COX19: variants seen among roughly 807,000 people sequenced by gnomAD.
COX19 encodes cytochrome c oxidase assembly protein COX19.
Under a neutral mutation model 6.8 loss-of-function variants are expected in COX19, and 8 were observed. The observed-to-expected ratio is 1.18, with a 90% CI of 0.69 to 2.12. The LOEUF (loss-of-function observed/expected upper bound fraction) is 2.12. Ranked by LOEUF, COX19 falls within the 30% of genes most tolerant of loss-of-function variation. The pLI is 0.00. For missense variants in COX19, 131 were observed against 104.6 expected, an observed-to-expected ratio of 1.25 and a Z score of -1.10; for synonymous variants, 51 against 38.0, an observed-to-expected ratio of 1.34 and a Z score of -1.26.
chr7:970,481 T>C (rs1437440533), intron 2 of COX19, among the ~76,000 whole-genome samples: 5 of 149,968 alleles, frequency 3.3e-5, no homozygotes, highest in Non-Finnish European at 5.9e-5. Flanking sequence ...CCTACTCTGT[T>C]GCCCAGGCTG....
intron 2 of COX19, among the ~76,000 whole-genome samples, chr7:969,677 T>TA (rs2128117018): frequency 6.6e-6 from 1 of 151,958 alleles, no homozygotes; most frequent in Admixed American, 6.5e-5. Context: ...TCCCAGGGCC[T>TA]AAGGCCTGGG....
At chr7:970,485 C>T (rs1025362424) in intron 2 of COX19, among the ~76,000 whole-genome samples, 1 of 149,746 alleles carries the variant, frequency 6.7e-6, no homozygotes. Flanking sequence ...CTCTGTTGCC[C>T]AGGCTGGAGT....
rs141657465 is a variant in COX19 at position 969,056 on chromosome 7, A to G, written c.*322T>C. Reference sequence around the variant, plus strand: ...TATACATTTACCTCTTTGAACTCAGAAAGTATCAGAGGACTGCAACATAAA... The same window carrying G: ...TATACATTTACCTCTTTGAACTCAGGAAGTATCAGAGGACTGCAACATAAA... On this transcript the variant is annotated 3_prime_UTR_variant, in exon 3 of 3. Transcript: ENST00000344111. 2.0e-4 allele frequency: 52 copies of G among 253,804 alleles called. No homozygotes were observed. Among genetic ancestry groups the G allele is most frequent in the African/African-American group, 1.1e-3 (50 of 44,892 alleles). 15.7% of individuals were successfully genotyped at this position (253,804 alleles called of 1,614,324 possible).
rs1422190504 is a variant in COX19 at position 968,198 on chromosome 7, C to CGAAAGGGCCACCACTGCAG, written c.*1161_*1179dup. 2.0e-5 allele frequency: 3 copies of CGAAAGGGCCACCACTGCAG among 152,330 alleles called. No homozygotes were observed. Among genetic ancestry groups the CGAAAGGGCCACCACTGCAG allele is most frequent in the African/African-American group, 7.2e-5 (3 of 41,440 alleles). 9.4% of individuals were successfully genotyped at this position (152,330 alleles called of 1,614,324 possible). On this transcript the variant is annotated 3_prime_UTR_variant, in exon 3 of 3. Transcript: ENST00000344111. Reference sequence around the variant, plus strand: ...AGGAGGGGAGGGACATGTTTAACCACGAAAGGGCCACCACTGCAGGACAGA... The same window carrying CGAAAGGGCCACCACTGCAG: ...AGGAGGGGAGGGACATGTTTAACCACGAAAGGGCCACCACTGCAGGAAAGGGCCACCACTGCAGGACAGA...
chr7:975,288 T>A (rs1436329254), intron 1 of COX19, 140 bp downstream of exon 1: 1 of 621,656 alleles, frequency 1.6e-6, no homozygotes, highest in African/African-American at 2.0e-5. Flanking sequence ...CAGGGCTGGG[T>A]GGGGCGGAGG....
chr7:968,340 C>T lies in COX19; in HGVS notation c.*1038G>A. The T allele has an allele frequency of 6.6e-6, 1 of 152,278 alleles. No individual in the cohort carries two copies. Among genetic ancestry groups the T allele is most frequent in the East Asian group, 1.9e-4 (1 of 5,202 alleles). 9.4% of individuals were successfully genotyped at this position (152,278 alleles called of 1,614,324 possible). On this transcript the variant is annotated 3_prime_UTR_variant, in exon 3 of 3. Coordinates refer to ENST00000344111, the MANE Select transcript of COX19 (RefSeq NM_001031617.3). The stretch of plus-strand genomic sequence containing the variant: ...GCCTGAGGTCGGCCAGATTGGTGGC[C>T]CCACCTGCCAGGGCTTGGAGACAGC...
rs1847530760 is a variant in COX19 at position 964,975 on chromosome 7, AG to A, written c.*4402del. ...GAAATATCTCGTGAGAAGCTCTGGC[AG>A]GAACAGCAGGGTGTCTGGATTCTTA... On this transcript the variant is annotated 3_prime_UTR_variant, in exon 3 of 3. Transcript: ENST00000344111. 6.6e-6 allele frequency among the ~76,000 whole-genome samples: 1 copy of A among 152,246 alleles called. No individual in the cohort carries two copies. The highest frequency in any genetic ancestry group is 2.1e-4 in the South Asian group (1 of 4,834).
intron 2 of COX19, among the ~76,000 whole-genome samples, chr7:971,465 G>GT (rs1847633907): frequency 6.6e-6 from 1 of 151,994 alleles, no homozygotes; most frequent in Non-Finnish European, 1.5e-5. Flanking sequence ...CTCAACTTCT[G>GT]TATGTTTGAT....
chr7:971,646 C>T (rs961783877), intron 2 of COX19, among the ~76,000 whole-genome samples: 2 of 152,062 alleles, frequency 1.3e-5, no homozygotes, highest in Admixed American at 1.3e-4. Context: ...CCGAGGTGGG[C>T]GGACCATGAG....
Position 965,480 on chromosome 7 carries a change from G to A in COX19, c.*3898C>T, listed in dbSNP as rs1026306197. Among the ~76,000 whole-genome samples the A allele has an allele frequency of 1.3e-5, 2 of 152,214 alleles. No homozygotes were observed. The highest frequency in any genetic ancestry group is 6.5e-5 in the Admixed American group (1 of 15,280). ...TGCCCTCAGGGACGCCCCCAGGTCG[G>A]TGCGGCCTGTGCGGCTCGCTCCCGG... On this transcript the variant is annotated 3_prime_UTR_variant, in exon 3 of 3. Coordinates refer to ENST00000344111, the MANE Select transcript of COX19 (RefSeq NM_001031617.3).
At chr7:974,338 CCT>C (rs1847674760) in intron 1 of COX19, among the ~76,000 whole-genome samples, 1 of 151,860 alleles carries the variant, frequency 6.6e-6, no homozygotes, top group African/African-American at 2.4e-5. Context: ...GGGAGACTCC[CCT>C]GAGTCCAGAA....
At chr7:971,351 C>T (rs1002918485) in intron 2 of COX19, among the ~76,000 whole-genome samples, 1 of 152,004 alleles carries the variant, frequency 6.6e-6, no homozygotes, top group Non-Finnish European at 1.5e-5. Context: ...CAGACACACA[C>T]GGAGGTTGGA....
chr7:973,815 A>T (rs1847667093), intron 1 of COX19, among the ~76,000 whole-genome samples: 1 of 151,448 alleles, frequency 6.6e-6, no homozygotes, highest in South Asian at 2.1e-4. Context: ...AAAATACAAA[A>T]ATTAGCCGGG....
chr7:971,353 G>C (rs1847632512), intron 2 of COX19, among the ~76,000 whole-genome samples: 1 of 152,176 alleles, frequency 6.6e-6, no homozygotes, highest in Non-Finnish European at 1.5e-5. Flanking sequence ...GACACACACG[G>C]AGGTTGGAGT....
At chr7:974,681 CGTT>C (rs1847680386) in intron 1 of COX19, among the ~76,000 whole-genome samples, 1 of 150,260 alleles carries the variant, frequency 6.7e-6, no homozygotes, top group Non-Finnish European at 1.5e-5. Context: ...TTTTTTGAGA[CGTT>C]GTCTCACTCT....
intron 1 of COX19, chr7:975,147 G>A (rs1350249924): frequency 2.6e-6 from 1 of 384,540 alleles, no homozygotes; most frequent in Non-Finnish European, 4.7e-6. Context: ...GGCACAGACA[G>A]CCCGCCGGGT....
rs530718885 is a variant in COX19, at chr7:969,795, T to A, written c.195-339A>T. On this transcript the variant is annotated intron_variant, in intron 2 of 2. Coordinates refer to ENST00000344111, the MANE Select transcript of COX19 (RefSeq NM_001031617.3). ...TCTGGACAACAGCTTCACGCTGACC[T>A]CTCAGACTTGCTTTGATTGGCAGGA... Among the ~76,000 whole-genome samples the A allele has an allele frequency of 2.0e-5, 3 of 152,284 alleles. No individual in the cohort carries two copies. The South Asian group carries it at 6.2e-4, about 32-fold the overall frequency.
chr7:972,885 G>A (rs146672720), intron 2 of COX19: 3 of 193,116 alleles, frequency 1.6e-5, no homozygotes, highest in South Asian at 1.8e-4. Context: ...TATGATGCAC[G>A]ATTTGGAAAC....
rs932541286 is a variant in COX19, at chr7:966,987, G to T, written c.*2391C>A. 6.6e-6 allele frequency: 1 copy of T among 152,202 alleles called. No homozygotes were observed. The highest frequency in any genetic ancestry group is 1.5e-5 in the Non-Finnish European group (1 of 68,048). 9.4% of individuals were successfully genotyped at this position (152,202 alleles called of 1,614,324 possible). A position where few individuals can be genotyped will look rare whatever the true frequency, so the allele number is the denominator to read the frequency against. On this transcript the variant is annotated 3_prime_UTR_variant, in exon 3 of 3. Transcript: ENST00000344111. Reference sequence around the variant, plus strand: ...TTACTTAAGAATGGCCCCAGAACAGGACAGTGGTGATGCTGGCGACTCAGA... The same window carrying T: ...TTACTTAAGAATGGCCCCAGAACAGTACAGTGGTGATGCTGGCGACTCAGA...
Sources: allele counts gnomAD v4.1 joint callset (sites outside exome capture counted in the v4.1 genomes callset), GRCh38; gene constraint gnomAD v4.1.1; transcripts MANE v1.5; gene names NCBI Gene and HGNC (gene_info 2026-07-23, HGNC 2026-07-21).